Variants in FMO5 observed in about 807,000 individuals in gnomAD.
FMO5 encodes the protein flavin containing dimethylaniline monoxygenase 5.
A neutral mutation model predicts 43.6 loss-of-function variants in FMO5; 51 were observed. The observed-to-expected ratio is 1.17, with a 90% CI of 0.93 to 1.48. FMO5 has a LOEUF of 1.48. FMO5 is among the 40% of genes most tolerant of loss of function. The probability of loss-of-function intolerance (pLI) is 0.00; values close to 1 mark genes in which losing one functional copy is unlikely to be tolerated. For missense variants in FMO5, 644 were observed against 643.0 expected, an observed-to-expected ratio of 1.00 and a Z score of -0.02; for synonymous variants, 187 against 216.5, an observed-to-expected ratio of 0.86 and a Z score of 1.20.
Position 147,215,787 on chromosome 1 carries a change from T to G in FMO5, c.291A>C (p.Lys97Asn), listed in dbSNP as rs1327721540. 1.9e-6 allele frequency: 3 copies of G among 1,610,604 alleles called. No homozygotes were observed. The highest frequency in any genetic ancestry group is 2.5e-6 in the Non-Finnish European group (3 of 1,179,100). Reference protein sequence around the residue: ...QVLEYFRMYAKEFDLLKYIRF... With the variant: ...QVLEYFRMYANEFDLLKYIRF... The stretch of plus-strand genomic sequence containing the variant: ...GAATATACTTTAGAAGGTCAAATTC[T>G]TTGGCATACATCCTGAAATACTCCA... The change falls in exon 3 of 9, where the codon AAA (lysine) becomes AAC (asparagine). Residue 97 changes from lysine to asparagine, a missense_variant. By Grantham distance (94) the Lys-to-Asn change is moderately conservative. Coordinates refer to ENST00000254090, the MANE Select transcript of FMO5 (RefSeq NM_001461.4).
intron 2 of FMO5, among the ~76,000 whole-genome samples, chr1:147,219,866 TCTCGCTCTATTGCC>T (rs1662702178): frequency 7.7e-6 from 1 of 129,592 alleles, no homozygotes; most frequent in Non-Finnish European, 1.6e-5. Flanking sequence ...TGAGACAGAG[TCTCGCTCTATTGCC>T]CAGGCTAGAG....
rs782703640 is a variant in FMO5, at chr1:147,186,941, G to C, written c.1561C>G (p.Leu521Val). The C allele has an allele frequency of 6.8e-6, 11 of 1,614,016 alleles. No individual in the cohort carries two copies. In the South Asian group the frequency reaches 9.9e-5, roughly 14 times the overall value. Residue 521 changes from leucine to valine, a missense_variant, in exon 9 of 9, where the codon CTA becomes GTA. Coordinates refer to ENST00000254090, the MANE Select transcript of FMO5 (RefSeq NM_001461.4). ...ATTATAGCAAAGAAGGCAAGAGCTA[G>C]CATAAACTTGCCTATTGTCATTGTT... ...TSTMTIGKFM[L>V]ALAFFAIIIA... is the part of the protein sequence containing the mutation.
At chr1:147,226,748 G>A (rs1664009411), upstream of FMO5, among the ~76,000 whole-genome samples, 1 of 152,046 alleles carries the variant, frequency 6.6e-6, no homozygotes, top group African/African-American at 2.4e-5. Flanking sequence ...AGAGGCAACT[G>A]ATATTTTGTT....
chr1:147,209,330 C>T (rs183669388), intron 5 of FMO5, among the ~76,000 whole-genome samples: 3 of 149,226 alleles, frequency 2.0e-5, no homozygotes, highest in Admixed American at 1.4e-4. Context: ...CCCAGCTACT[C>T]GGGAGGCTGA....
intron 7 of FMO5, among the ~76,000 whole-genome samples, chr1:147,196,530 CTA>C: frequency 6.6e-6 from 1 of 151,656 alleles, no homozygotes; most frequent in East Asian, 1.9e-4. Context: ...CCCTATCTGT[CTA>C]TATATAGATA....
chr1:147,190,823 T>A (rs1038777696), intron 7 of FMO5, among the ~76,000 whole-genome samples: 1 of 151,948 alleles, frequency 6.6e-6, no homozygotes, highest in Non-Finnish European at 1.5e-5. Context: ...CGTAATGCTA[T>A]CCCTCCCCAC....
intron 3 of FMO5, among the ~76,000 whole-genome samples, 200 bp from the exon 4 acceptor site, chr1:147,213,670 A>G (rs373271919): frequency 4.6e-5 from 7 of 152,300 alleles, no homozygotes; most frequent in African/African-American, 1.4e-4. Context: ...AAAAAATAAC[A>G]TAGTGTTGGC....
chr1:147,203,240 A>C, intron 6 of FMO5: 2 of 1,127,736 alleles, frequency 1.8e-6, no homozygotes, highest in Non-Finnish European at 2.6e-6. Flanking sequence ...TACTACAAAT[A>C]CAGCCTTCAC....
chr1:147,225,112 T>G, intron 1 of FMO5, 46 bp from the exon 2 acceptor site: 1 of 1,601,442 alleles, frequency 6.2e-7, no homozygotes, highest in Non-Finnish European at 8.5e-7. Context: ...TCGGTTAACA[T>G]TTTTCAAGGA....
chr1:147,225,300 GC>G lies in FMO5; in HGVS notation c.-52del. The G allele has an allele frequency of 1.5e-6, 1 of 649,416 alleles. No homozygotes were observed. The highest frequency in any genetic ancestry group is 2.3e-6 in the Non-Finnish European group (1 of 430,002). The allele number at this position is 649,416 out of a possible 1,614,324, so 40.2% of individuals were successfully genotyped here. On this transcript the variant is annotated 5_prime_UTR_variant, in exon 1 of 9. Coordinates refer to ENST00000254090, the MANE Select transcript of FMO5 (RefSeq NM_001461.4). ...ACCGGATCTCACCGCCTTTCCTGAA[GC>G]GCTCAACAGATCCTTCAGCTGCGAT...
At chr1:147,204,677 T>C in intron 6 of FMO5, 2 of 1,571,732 alleles carry the variant, frequency 1.3e-6, no homozygotes, top group Non-Finnish European at 8.8e-7. Context: ...GCCATTACAG[T>C]CATTTTTGCA....
In FMO5 at chr1:147,201,400, G is replaced by A; in HGVS notation, c.935C>T (p.Ala312Val). 1 of 1,614,094 alleles carries A rather than the reference G, an allele frequency of 6.2e-7. No homozygotes were observed. The highest frequency in any genetic ancestry group is 1.3e-5 in the African/African-American group (1 of 75,028). Residue 312 changes from alanine (A) to valine (V), a missense_variant, in exon 7 of 9, where the codon GCC becomes GTC. Physicochemically the swap from Ala to Val is moderately conservative, Grantham distance 64. Coordinates refer to ENST00000254090, the MANE Select transcript of FMO5 (RefSeq NM_001461.4). Reference sequence around the variant, plus strand: ...CTCCCTGGAGCCATCCTCAAATATGGCAGCTGTCTCCGTGAATTCCTTCAC... The same window carrying A: ...CTCCCTGGAGCCATCCTCAAATATGACAGCTGTCTCCGTGAATTCCTTCAC... Reference protein sequence around the residue: ...GNVKEFTETAAIFEDGSREDD... With the variant: ...GNVKEFTETAVIFEDGSREDD...
chr1:147,184,806 A>G (rs1485147928), downstream of FMO5, among the ~76,000 whole-genome samples: 5 of 151,952 alleles, frequency 3.3e-5, no homozygotes, highest in Non-Finnish European at 7.4e-5. The surrounding 1 kb of genome is among the most constrained non-coding windows in gnomAD (Gnocchi z 4.4). Context: ...CCCCCTTTCC[A>G]TATGTAATTT....
intron 6 of FMO5, 128 bp from the exon 7 acceptor site, chr1:147,201,632 T>C: frequency 1.5e-6 from 1 of 677,806 alleles, no homozygotes; most frequent in Non-Finnish European, 2.5e-6. Context: ...ATGCATGAAG[T>C]TTGGAAAAGG....
intron 7 of FMO5, among the ~76,000 whole-genome samples, chr1:147,194,994 G>C (rs587774961): frequency 6.6e-6 from 1 of 151,782 alleles, no homozygotes; most frequent in East Asian, 1.9e-4. Flanking sequence ...TCTTGGAGTT[G>C]CTCTTCTTGA....
At chr1:147,192,334 C>A (rs9725828) in intron 7 of FMO5, among the ~76,000 whole-genome samples, 5,540 of 151,752 alleles carry the variant, frequency 0.037, 153 homozygotes, top group South Asian at 0.094. Flanking sequence ...GTGTATAAGA[C>A]TGCTTGTGAT....
At chr1:147,220,811 C>T (rs782525337) in intron 2 of FMO5, among the ~76,000 whole-genome samples, 5 of 151,826 alleles carry the variant, frequency 3.3e-5, no homozygotes, top group Non-Finnish European at 5.9e-5. Flanking sequence ...TATGTACCCC[C>T]GAACCTAAAA....
At chr1:147,225,407 G>A (rs28381168), upstream of FMO5, 1,606 of 194,332 alleles carry the variant, frequency 8.3e-3, 26 homozygotes, top group African/African-American at 0.034. Context: ...ACGGGGAGGG[G>A]CTGTAGCACT....
rs1023939515 is a variant in FMO5, at chr1:147,186,380, A to C, written c.*520T>G. 1.1e-6 allele frequency: 1 copy of C among 910,372 alleles called. No homozygotes were observed. 56.4% of individuals were successfully genotyped at this position (910,372 alleles called of 1,614,324 possible). ...GTGAAACAAAATGTCTTAAGCATCT[A>C]TATGTCTTATCTTAGATACATACAA... On this transcript the variant is annotated 3_prime_UTR_variant, in exon 9 of 9. Transcript: ENST00000254090.
Sources: gnomAD v4.1 joint callset for allele counts (sites outside exome capture counted in the v4.1 genomes callset) on GRCh38, gnomAD v4.1.1 for gene constraint, Gnocchi (gnomAD v3.1) non-coding constraint, MANE v1.5 for transcripts, NCBI Gene and HGNC (gene_info 2026-07-23, HGNC 2026-07-21) for gene names.